Variants in CMTM4 observed in about 807,000 individuals in gnomAD.
The protein encoded by CMTM4 is CKLF like MARVEL transmembrane domain containing 4, also known as CKLF-like MARVEL transmembrane domain-containing protein 4.
CMTM4 carries 8 observed loss-of-function variants against 19.0 expected under a neutral mutation model. The observed-to-expected ratio is 0.42, with a 90% CI of 0.25 to 0.76. CMTM4 has a LOEUF of 0.76. CMTM4 is among the 30% of genes least tolerant of loss of function. CMTM4 has a pLI of 0.27. For missense variants in CMTM4, 228 were observed against 290.2 expected (o/e 0.79, Z 1.56); for synonymous variants, 106 against 121.1 (o/e 0.88, Z 0.82).
At position 66,615,922 on chromosome 16, in the gene CMTM4, AATT is replaced by A. The variant is rs2015519054; in HGVS notation, c.*6133_*6135del. Reference sequence around the variant, plus strand: ...GCCAAATGCAATTATACTGACTTATAATTATTTCACAGAAATATACTCTTACTC... The same window carrying A: ...GCCAAATGCAATTATACTGACTTATAATTTCACAGAAATATACTCTTACTC... On this transcript the variant is annotated 3_prime_UTR_variant, in exon 4 of 4. Transcript: ENST00000394106. The surrounding 1 kb of genome is among the most constrained non-coding windows in gnomAD (Gnocchi z 4.9). 3 of 152,350 alleles carry A rather than the reference AATT, an allele frequency of 2.0e-5. No individual in the cohort carries two copies. Among genetic ancestry groups the A allele is most frequent in the South Asian group, 4.1e-4 (2 of 4,830 alleles). 9.4% of individuals were successfully genotyped at this position (152,350 alleles called of 1,614,324 possible). A position where few individuals can be genotyped will look rare whatever the true frequency, so the allele number is the denominator to read the frequency against.
At chr16:66,607,568 T>G in the CMTM4 span, among the ~76,000 whole-genome samples, 39 of 152,222 alleles carry the variant, frequency 2.6e-4, no homozygotes, top group Non-Finnish European at 4.1e-4. Flanking sequence ...AGGACGCATA[T>G]CATTAAGGTT....
At chr16:66,682,001 A>G (rs2016924322) in intron 1 of CMTM4, among the ~76,000 whole-genome samples, 2 of 152,116 alleles carry the variant, frequency 1.3e-5, no homozygotes, top group Admixed American at 1.3e-4. Flanking sequence ...TGCCAAGCCC[A>G]CTATCGCCAG....
intron 1 of CMTM4, among the ~76,000 whole-genome samples, chr16:66,682,674 C>T (rs553845381): frequency 2.0e-5 from 3 of 152,178 alleles, no homozygotes; most frequent in Admixed American, 6.6e-5. Context: ...CACTGAAGAT[C>T]GCCAGCCTCC....
intron 1 of CMTM4, among the ~76,000 whole-genome samples, chr16:66,651,717 T>C (rs1567416978): frequency 2.0e-5 from 3 of 152,330 alleles, no homozygotes; most frequent in African/African-American, 7.2e-5. Flanking sequence ...GCCCACAACA[T>C]GACTGCTCAT....
intron 1 of CMTM4, among the ~76,000 whole-genome samples, chr16:66,691,267 C>A (rs2017129744): frequency 6.6e-6 from 1 of 152,002 alleles, no homozygotes; most frequent in Admixed American, 6.6e-5. Context: ...TTGCGACCAA[C>A]CTGGGCAACA....
chr16:66,623,474 A>G lies in CMTM4; in HGVS notation c.392T>C (p.Phe131Ser), dbSNP rs1245282983. 2 of 1,613,992 alleles carry G rather than the reference A, an allele frequency of 1.2e-6. No homozygotes were observed. The highest frequency in any genetic ancestry group is 1.7e-6 in the Non-Finnish European group (2 of 1,179,916). The change falls in exon 3 of 4, where the codon TTC becomes TCC. Residue 131 changes from phenylalanine to serine, a missense_variant. This residue lies in a region of CMTM4 where 200 missense variants were observed against 226.6 expected (regional missense o/e 0.88). Transcript: ENST00000394106. Reference protein sequence around the residue: ...TDLVNTGLSAFLFFIASIVLA... With the variant: ...TDLVNTGLSASLFFIASIVLA... Reference sequence around the variant, plus strand: ...TACGATTGAAGCAATAAAGAAAAGGAAAGCGCTGAGTCCAGTGTTGACCAA... The same window carrying G: ...TACGATTGAAGCAATAAAGAAAAGGGAAGCGCTGAGTCCAGTGTTGACCAA...
In CMTM4 at chr16:66,696,297, G is replaced by A; in HGVS notation, c.186+43C>T. The A allele has an allele frequency of 1.6e-6, 2 of 1,269,758 alleles. No individual in the cohort carries two copies. Among genetic ancestry groups the A allele is most frequent in the Non-Finnish European group, 2.0e-6 (2 of 1,004,236 alleles). 78.7% of individuals were successfully genotyped at this position (1,269,758 alleles called of 1,614,324 possible). A position where few individuals can be genotyped will look rare whatever the true frequency, so the allele number is the denominator to read the frequency against. On this transcript the variant is annotated intron_variant, in intron 1 of 3. Transcript: ENST00000394106. This position sits in a 1 kb window ranked among gnomAD's most constrained non-coding sequence, Gnocchi z 4.3. Reference sequence around the variant, plus strand: ...AGCGGGGCGGGGAGGGAGGCGTGCGGCTAGGCCGCCCTCGGGCACCTGGGG... The same window carrying A: ...AGCGGGGCGGGGAGGGAGGCGTGCGACTAGGCCGCCCTCGGGCACCTGGGG...
chr16:66,638,897 T>C (rs2016048326), intron 1 of CMTM4, among the ~76,000 whole-genome samples: 1 of 146,800 alleles, frequency 6.8e-6, no homozygotes, highest in African/African-American at 2.5e-5. Context: ...ACAAACAGAG[T>C]AGATTTTAAA....
At chr16:66,626,830 G>C (rs751134432) in intron 2 of CMTM4, among the ~76,000 whole-genome samples, 9 of 152,104 alleles carry the variant, frequency 5.9e-5, no homozygotes, top group Non-Finnish European at 1.0e-4. Flanking sequence ...GCCAGGCATG[G>C]TGGCTCCTGC....
chr16:66,668,270 G>C (rs1391509787), intron 1 of CMTM4, among the ~76,000 whole-genome samples: 1 of 151,642 alleles, frequency 6.6e-6, no homozygotes, highest in Non-Finnish European at 1.5e-5. Context: ...CAGCCCCCCA[G>C]AGTGCTGGGA....
chr16:66,608,588 C>T, the CMTM4 span: 1 of 935,040 alleles, frequency 1.1e-6, no homozygotes, highest in Non-Finnish European at 1.6e-6. The surrounding 1 kb of genome is among the most constrained non-coding windows in gnomAD (Gnocchi z 5.1). Flanking sequence ...TTGGTTAGAA[C>T]TGGATGGAGA....
chr16:66,606,012 G>C, the CMTM4 span, among the ~76,000 whole-genome samples: 2 of 151,988 alleles, frequency 1.3e-5, no homozygotes, highest in Non-Finnish European at 2.9e-5. Context: ...ACCGTCCCCA[G>C]AGTGGCTTGA....
chr16:66,668,165 A>C (rs77821183), intron 1 of CMTM4, among the ~76,000 whole-genome samples: 1 of 139,790 alleles, frequency 7.2e-6, no homozygotes, highest in African/African-American at 2.6e-5. Context: ...CAACAGAGCT[A>C]TTTTTTTTTT....
At chr16:66,609,834 C>T (rs1444441689), downstream of CMTM4, 11 of 1,614,194 alleles carry the variant, frequency 6.8e-6, no homozygotes, top group South Asian at 2.2e-5. The surrounding 1 kb of genome is among the most constrained non-coding windows in gnomAD (Gnocchi z 4.4). Flanking sequence ...AGCAGCCTCC[C>T]GGAGCAGGGA....
At chr16:66,639,293 A>G (rs1176887056) in intron 1 of CMTM4, among the ~76,000 whole-genome samples, 1 of 152,202 alleles carries the variant, frequency 6.6e-6, no homozygotes, top group Non-Finnish European at 1.5e-5. Flanking sequence ...TGAGTTACAA[A>G]TGTTTCTGGT....
At chr16:66,647,380 C>G (rs1308510875) in intron 1 of CMTM4, among the ~76,000 whole-genome samples, 1 of 151,026 alleles carries the variant, frequency 6.6e-6, no homozygotes, top group African/African-American at 2.4e-5. Flanking sequence ...ACAATTATAG[C>G]CTGTTTTCAC....
At chr16:66,679,520 C>T (rs2016868562) in intron 1 of CMTM4, among the ~76,000 whole-genome samples, 1 of 151,910 alleles carries the variant, frequency 6.6e-6, no homozygotes, top group African/African-American at 2.4e-5. Context: ...CGGACCAAGT[C>T]AATGTAAGAT....
At chr16:66,670,477 C>G (rs757884965) in intron 1 of CMTM4, among the ~76,000 whole-genome samples, 1 of 146,236 alleles carries the variant, frequency 6.8e-6, no homozygotes, top group African/African-American at 2.5e-5. Flanking sequence ...CTTCTCTATA[C>G]GTATATTGCA....
In CMTM4 at chr16:66,622,041, A is replaced by C. The variant is rs909666157; in HGVS notation, c.*17T>G. On this transcript the variant is annotated 3_prime_UTR_variant, in exon 4 of 4. Coordinates refer to ENST00000394106, the MANE Select transcript of CMTM4 (RefSeq NM_181521.3). The surrounding 1 kb of genome is among the most constrained non-coding windows in gnomAD (Gnocchi z 4.0). ...GACAGGCACGAGGACGGGAGGGAGG[A>C]GGATCCAGGCAGGTCCTCACGTGTC... 3 of 1,552,978 alleles carry C rather than the reference A, an allele frequency of 1.9e-6. No individual in the cohort carries two copies. Among genetic ancestry groups the C allele is most frequent in the Middle Eastern group, 1.7e-4 (1 of 5,966 alleles).
Sources: allele counts gnomAD v4.1 joint callset (sites outside exome capture counted in the v4.1 genomes callset), GRCh38; gene constraint gnomAD v4.1.1; regional missense constraint gnomAD v4.1.1; non-coding constraint Gnocchi (gnomAD v3.1); transcripts MANE v1.5; gene names NCBI Gene and HGNC (gene_info 2026-07-23, HGNC 2026-07-21).